Variants in DLGAP2 observed in about 807,000 individuals in gnomAD.
DLGAP2 encodes the protein disks large-associated protein 2.
DLGAP2 carries 26 observed loss-of-function variants against 100.3 expected under a neutral mutation model. That is an observed-to-expected ratio of 0.26 (90% CI 0.19 to 0.36). DLGAP2 has a LOEUF of 0.36. DLGAP2 is among the 10% of genes least tolerant of loss of function. The pLI is 1.00. For missense variants in DLGAP2, 1,858 were observed against 1,453.2 expected, an observed-to-expected ratio of 1.28 and a Z score of -4.53; for synonymous variants, 886 against 630.1, an observed-to-expected ratio of 1.41 and a Z score of -6.08.
chr8:844,528 G>C (rs549455977), intron 1 of DLGAP2, among the ~76,000 whole-genome samples: 1 of 151,144 alleles, frequency 6.6e-6, no homozygotes, highest in African/African-American at 2.4e-5. Context: ...GCTGTCCTTC[G>C]TCGCCCATCA....
intron 2 of DLGAP2, among the ~76,000 whole-genome samples, chr8:1,043,492 G>A (rs554563962): frequency 1.3e-5 from 2 of 152,060 alleles, no homozygotes; most frequent in African/African-American, 4.8e-5. Context: ...CTACCCTGGG[G>A]CTTCTCTGTG....
intron 2 of DLGAP2, among the ~76,000 whole-genome samples, chr8:1,128,720 G>A (rs769044617): frequency 5.9e-5 from 9 of 152,218 alleles, no homozygotes; most frequent in Non-Finnish European, 7.3e-5. Context: ...ACTTACGAGC[G>A]TGTGTCAGAA....
chr8:1,199,502 C>T (rs942574616), intron 2 of DLGAP2, among the ~76,000 whole-genome samples: 5 of 152,198 alleles, frequency 3.3e-5, no homozygotes, highest in Non-Finnish European at 7.3e-5. Context: ...CCAGTGAAGG[C>T]TGCCTGTGTG....
intron 1 of DLGAP2, among the ~76,000 whole-genome samples, chr8:881,498 T>C (rs1164756894): frequency 2.6e-3 from 15 of 5,794 alleles, no homozygotes; most frequent in Non-Finnish European, 5.5e-3. Context: ...TCATCTCTCT[T>C]TTTTTTTTTT....
intron 2 of DLGAP2, among the ~76,000 whole-genome samples, chr8:1,058,327 G>A (rs1357551596): frequency 6.6e-6 from 1 of 152,206 alleles, no homozygotes; most frequent in Non-Finnish European, 1.5e-5. Context: ...CCGAATTTCT[G>A]TAGGAACCCA....
chr8:1,167,591 G>C (rs1443203923), intron 2 of DLGAP2, among the ~76,000 whole-genome samples: 3 of 152,156 alleles, frequency 2.0e-5, no homozygotes, highest in African/African-American at 7.2e-5. Context: ...CCCACATTGA[G>C]GTAATACTTA....
At chr8:1,502,770 A>C (rs1263853479) in intron 4 of DLGAP2, among the ~76,000 whole-genome samples, 1 of 152,222 alleles carries the variant, frequency 6.6e-6, no homozygotes, top group Non-Finnish European at 1.5e-5. Flanking sequence ...GAGGTAGCTC[A>C]GCTGCCTTTG....
intron 3 of DLGAP2, among the ~76,000 whole-genome samples, chr8:1,385,329 A>G (rs11993381): frequency 0.022 from 200 of 9,298 alleles, 1 homozygote; most frequent in East Asian, 0.12. Flanking sequence ...TTGGTGCACA[A>G]TTACCCGGCC....
intron 2 of DLGAP2, chr8:1,019,477 G>C (rs1483879382): frequency 6.6e-6 from 1 of 150,934 alleles, no homozygotes; most frequent in East Asian, 2.0e-4. Context: ...ATCGCACATA[G>C]AAAGAATTCC....
intron 2 of DLGAP2, among the ~76,000 whole-genome samples, chr8:949,210 A>C (rs916494700): frequency 6.6e-6 from 1 of 152,206 alleles, no homozygotes; most frequent in African/African-American, 2.4e-5. Flanking sequence ...GGATGCATCA[A>C]GGGTCCAGCC....
intron 2 of DLGAP2, among the ~76,000 whole-genome samples, chr8:1,082,095 TG>T (rs757995467): frequency 2.0e-5 from 3 of 152,190 alleles, no homozygotes; most frequent in Non-Finnish European, 2.9e-5. Flanking sequence ...CTGCCCTACA[TG>T]TAATATCTTC....
chr8:1,693,544 G>A (rs775145597), intron 13 of DLGAP2, among the ~76,000 whole-genome samples: 3 of 152,070 alleles, frequency 2.0e-5, no homozygotes, highest in Non-Finnish European at 2.9e-5. Flanking sequence ...TCTAGGCCTC[G>A]CGTAGCAATG....
intron 2 of DLGAP2, among the ~76,000 whole-genome samples, chr8:1,180,126 A>C (rs1213009848): frequency 6.6e-6 from 1 of 152,250 alleles, no homozygotes; most frequent in Non-Finnish European, 1.5e-5. Context: ...ATGTGCCTTC[A>C]CAGTGACGTG....
At chr8:915,555 A>T (rs1055816412) in intron 2 of DLGAP2, among the ~76,000 whole-genome samples, 2 of 151,870 alleles carry the variant, frequency 1.3e-5, no homozygotes, top group Non-Finnish European at 2.9e-5. Context: ...TCTAAAAAAA[A>T]AAAAGAAACC....
At chr8:1,452,324 C>G (rs892626674) in intron 3 of DLGAP2, among the ~76,000 whole-genome samples, 3 of 152,234 alleles carry the variant, frequency 2.0e-5, no homozygotes, top group Non-Finnish European at 4.4e-5. Context: ...ACCCTCCATA[C>G]AGGTGTGCAC....
chr8:1,034,565 C>T (rs1265775285), intron 2 of DLGAP2, among the ~76,000 whole-genome samples: 1 of 79,676 alleles, frequency 1.3e-5, no homozygotes, highest in African/African-American at 6.5e-5. Context: ...TGGACTCACA[C>T]GCTCATCCCG....
At chr8:1,337,373 TGATGATGGTGATGGTGAG>T in intron 3 of DLGAP2, among the ~76,000 whole-genome samples, 1 of 1,852 alleles carries the variant, frequency 5.4e-4, no homozygotes, top group South Asian at 0.019. Flanking sequence ...ATGACAGTGA[TGATGATGGTGATGGTGAG>T]GATGATGGTG....
At chr8:1,190,692 G>T (rs765414654) in intron 2 of DLGAP2, among the ~76,000 whole-genome samples, 5 of 152,146 alleles carry the variant, frequency 3.3e-5, no homozygotes, top group African/African-American at 4.8e-5. Flanking sequence ...CGTGTCTTAC[G>T]TAGAGAAGAA....
intron 1 of DLGAP2, among the ~76,000 whole-genome samples, chr8:818,424 T>A (rs1348996571): frequency 6.6e-6 from 1 of 152,174 alleles, no homozygotes; most frequent in Non-Finnish European, 1.5e-5. Flanking sequence ...CCTGGAACTT[T>A]CCCTGAACCA....
Sources: allele counts gnomAD v4.1 joint callset (sites outside exome capture counted in the v4.1 genomes callset), GRCh38; gene constraint gnomAD v4.1.1; transcripts MANE v1.5; gene names NCBI Gene and HGNC (gene_info 2026-07-23, HGNC 2026-07-21).